Variants in ATP8B4 observed in about 807,000 individuals in gnomAD.
The protein encoded by ATP8B4 is ATPase phospholipid transporting 8B4 (putative).
A neutral mutation model predicts 145.6 loss-of-function variants in ATP8B4; 133 were observed. The observed-to-expected ratio is 0.91, with a 90% CI of 0.79 to 1.05. The LOEUF (loss-of-function observed/expected upper bound fraction) is 1.05, where lower values mean the gene tolerates loss of function less well. Among genes scored for constraint, ATP8B4 ranks in the 50% least tolerant of loss-of-function variants. ATP8B4 has a pLI of 0.00. For missense variants in ATP8B4, 1,458 were observed against 1,425.2 expected, an observed-to-expected ratio of 1.02 and a Z score of -0.37; for synonymous variants, 507 against 492.9, an observed-to-expected ratio of 1.03 and a Z score of -0.38.
chr15:49,982,161 G>A (rs2046211883), intron 10 of ATP8B4, among the ~76,000 whole-genome samples: 1 of 152,052 alleles, frequency 6.6e-6, no homozygotes, highest in South Asian at 2.1e-4. Context: ...TTAAAGAAAG[G>A]AGAAAAGGGA....
At chr15:50,177,421 G>A (rs963152348) in intron 1 of ATP8B4, among the ~76,000 whole-genome samples, 1 of 152,198 alleles carries the variant, frequency 6.6e-6, no homozygotes, top group Non-Finnish European at 1.5e-5. Context: ...TAACAGGTAA[G>A]AAACAATCAA....
chr15:49,913,626 G>A (rs28844958), intron 20 of ATP8B4, among the ~76,000 whole-genome samples: 11,732 of 152,130 alleles, frequency 0.077, 492 homozygotes, highest in Middle Eastern at 0.092. Flanking sequence ...AAAAATTCAA[G>A]TGATTCCATC....
intron 2 of ATP8B4, among the ~76,000 whole-genome samples, chr15:50,085,529 C>A (rs1360474478): frequency 6.6e-6 from 1 of 151,888 alleles, no homozygotes; most frequent in Non-Finnish European, 1.5e-5. Context: ...GAATCTAGGG[C>A]CCAAGATCAC....
chr15:50,085,460 T>G lies in ATP8B4; in HGVS notation c.29-11275A>C, dbSNP rs151118429. On this transcript the variant is annotated intron_variant, in intron 2 of 27. Transcript: ENST00000284509. The stretch of plus-strand genomic sequence containing the variant: ...TATTTATGTGATTCACAGATACTTC[T>G]ACATAGAGTTCAGTTATTGGTGGTC... Among the ~76,000 whole-genome samples the G allele has an allele frequency of 1.2e-3, 186 of 152,232 alleles. 1 individual carries two copies. Among genetic ancestry groups the G allele is most frequent in the African/African-American group, 4.0e-3 (166 of 41,536 alleles).
chr15:50,169,324 TGA>T (rs1477136393), intron 1 of ATP8B4, among the ~76,000 whole-genome samples: 1 of 152,210 alleles, frequency 6.6e-6, no homozygotes, highest in African/African-American at 2.4e-5. Flanking sequence ...TATTCACGGC[TGA>T]GAGACCCATA....
intron 12 of ATP8B4, among the ~76,000 whole-genome samples, chr15:49,974,254 T>C (rs1007590376): frequency 6.6e-6 from 1 of 152,070 alleles, no homozygotes. Context: ...AGCTAATTTT[T>C]GTATTTTTAG....
intron 16 of ATP8B4, among the ~76,000 whole-genome samples, chr15:49,927,976 C>T (rs924843480): frequency 1.3e-5 from 2 of 152,116 alleles, no homozygotes; most frequent in African/African-American, 4.8e-5. Context: ...CCTACTGTTA[C>T]GTATAAACAC....
chr15:50,146,247 G>C (rs140247156), intron 1 of ATP8B4, among the ~76,000 whole-genome samples: 1 of 151,984 alleles, frequency 6.6e-6, no homozygotes, highest in African/African-American at 2.4e-5. Context: ...CTCTGACCTC[G>C]TGATTCACCT....
At chr15:49,985,552 G>A (rs1448156509) in intron 10 of ATP8B4, among the ~76,000 whole-genome samples, 4 of 152,172 alleles carry the variant, frequency 2.6e-5, no homozygotes, top group African/African-American at 9.7e-5. Flanking sequence ...TAAGCTTTCT[G>A]CTAACATTTG....
chr15:50,141,549 T>A (rs942778928), intron 1 of ATP8B4, among the ~76,000 whole-genome samples: 6 of 152,128 alleles, frequency 3.9e-5, no homozygotes, highest in Non-Finnish European at 7.4e-5. Context: ...AAGAGACTGA[T>A]AAGGACAAAA....
chr15:50,156,364 A>G (rs1567410814), intron 1 of ATP8B4, among the ~76,000 whole-genome samples: 2 of 152,008 alleles, frequency 1.3e-5, no homozygotes, highest in Non-Finnish European at 2.9e-5. Flanking sequence ...CCTTCAATTA[A>G]ATGTTTCATC....
intron 6 of ATP8B4, among the ~76,000 whole-genome samples, chr15:50,036,785 A>G (rs1424637455): frequency 6.6e-6 from 1 of 152,210 alleles, no homozygotes; most frequent in Non-Finnish European, 1.5e-5. Context: ...GTTGTGGATA[A>G]TCTCTCAAAT....
At chr15:49,942,858 C>T (rs2042269411) in intron 14 of ATP8B4, among the ~76,000 whole-genome samples, 1 of 151,632 alleles carries the variant, frequency 6.6e-6, no homozygotes, top group Non-Finnish European at 1.5e-5. Context: ...AAGAAATGAA[C>T]AAAATAAAAT....
At chr15:49,888,931 G>A (rs2036502124) in intron 23 of ATP8B4, among the ~76,000 whole-genome samples, 1 of 152,074 alleles carries the variant, frequency 6.6e-6, no homozygotes, top group African/African-American at 2.4e-5. Flanking sequence ...CCTAGGGACA[G>A]GCCTGTCCCT....
At chr15:50,006,565 C>T (rs1395356456) in intron 7 of ATP8B4, among the ~76,000 whole-genome samples, 1 of 151,186 alleles carries the variant, frequency 6.6e-6, no homozygotes, top group Non-Finnish European at 1.5e-5. Flanking sequence ...GATGAAATTC[C>T]CTGATGAGTC....
chr15:49,981,340 T>C (rs200834079), intron 10 of ATP8B4, 46 bp from the exon 11 acceptor site: 51 of 1,392,560 alleles, frequency 3.7e-5, no homozygotes, highest in Middle Eastern at 2.5e-4. Flanking sequence ...GATATGATTA[T>C]GTATTCTTAT....
At chr15:50,133,426 T>G (rs930570192) in intron 1 of ATP8B4, among the ~76,000 whole-genome samples, 8 of 148,184 alleles carry the variant, frequency 5.4e-5, no homozygotes, top group South Asian at 2.1e-4. Context: ...AAAAAAAAAA[T>G]TACAAAAAAC....
At chr15:49,872,716 G>C (rs1418821761) in intron 25 of ATP8B4, among the ~76,000 whole-genome samples, 1 of 152,124 alleles carries the variant, frequency 6.6e-6, no homozygotes, top group Non-Finnish European at 1.5e-5. Context: ...TGAAAGACAA[G>C]CAAAGACTAT....
chr15:50,147,593 G>T (rs2044295410), intron 1 of ATP8B4, among the ~76,000 whole-genome samples: 1 of 152,076 alleles, frequency 6.6e-6, no homozygotes, highest in South Asian at 2.1e-4. Flanking sequence ...TCCAGGGCTG[G>T]GTCAAGGGAA....
Sources: allele counts gnomAD v4.1 joint callset (sites outside exome capture counted in the v4.1 genomes callset), GRCh38; gene constraint gnomAD v4.1.1; transcripts MANE v1.5; gene names NCBI Gene and HGNC (gene_info 2026-07-23, HGNC 2026-07-21).